The following FYN variants were observed in gnomAD, a reference collection of about 807,000 sequenced individuals.
FYN encodes the protein tyrosine-protein kinase Fyn.
A neutral mutation model predicts 70.2 loss-of-function variants in FYN; 10 were observed. That is an observed-to-expected ratio of 0.14 (90% confidence interval 0.09 to 0.24). The LOEUF (loss-of-function observed/expected upper bound fraction) is 0.24, where lower values mean the gene tolerates loss of function less well. FYN is among the 10% of genes least tolerant of loss of function. FYN has a pLI of 1.00. For missense variants in FYN, 319 were observed against 673.1 expected (o/e 0.47, Z 5.82); for synonymous variants, 236 against 248.6 (o/e 0.95, Z 0.48).
At chr6:111,810,968 T>G (rs1254799752) in intron 2 of FYN, among the ~76,000 whole-genome samples, 1 of 152,246 alleles carries the variant, frequency 6.6e-6, no homozygotes, top group Non-Finnish European at 1.5e-5. Context: ...ATTCACTATA[T>G]AATTGTATAA....
rs1801991511 is a variant in FYN, at chr6:111,741,879, C to G, written c.-11-21817G>C. On this transcript the variant is annotated intron_variant, in intron 3 of 13. Coordinates refer to ENST00000354650, the MANE Select transcript of FYN (RefSeq NM_002037.5). Reference sequence around the variant, plus strand: ...ATCAAGCCTAAGTCCTGCGTTCTGACAAGTCCCAGGGTTATGCTGGCTGTG... The same window carrying G: ...ATCAAGCCTAAGTCCTGCGTTCTGAGAAGTCCCAGGGTTATGCTGGCTGTG... Among the ~76,000 whole-genome samples, 2 of 152,210 alleles carry G rather than the reference C, an allele frequency of 1.3e-5. 1 individual carries two copies. The highest frequency in any genetic ancestry group is 4.1e-4 in the South Asian group (2 of 4,828).
chr6:111,699,231 T>C (rs1799719108), intron 9 of FYN, among the ~76,000 whole-genome samples: 1 of 152,230 alleles, frequency 6.6e-6, no homozygotes, highest in Non-Finnish European at 1.5e-5. Flanking sequence ...TTCTTATGGC[T>C]GCCCATATAC....
At chr6:111,728,068 C>T (rs1801271039) in intron 3 of FYN, among the ~76,000 whole-genome samples, 1 of 152,140 alleles carries the variant, frequency 6.6e-6, no homozygotes, top group South Asian at 2.1e-4. Context: ...ACCTAAATGG[C>T]CAAATGAGGC....
intron 9 of FYN, among the ~76,000 whole-genome samples, chr6:111,697,348 T>G (rs943573281): frequency 3.9e-5 from 6 of 152,232 alleles, no homozygotes; most frequent in African/African-American, 1.4e-4. Context: ...AGACCTATGA[T>G]GCTTAAGAAT....
chr6:111,865,274 T>C (rs1278286910), intron 1 of FYN, among the ~76,000 whole-genome samples: 1 of 152,182 alleles, frequency 6.6e-6, no homozygotes, highest in Non-Finnish European at 1.5e-5. Flanking sequence ...TTCCTAAGTA[T>C]ACCCAAGAAG....
At chr6:111,845,741 A>C (rs996690265) in intron 2 of FYN, among the ~76,000 whole-genome samples, 1 of 152,190 alleles carries the variant, frequency 6.6e-6, no homozygotes, top group African/African-American at 2.4e-5. Context: ...GTTACACCCA[A>C]GGCAATGTGG....
intron 13 of FYN, among the ~76,000 whole-genome samples, chr6:111,665,574 G>A (rs188218999): frequency 4.0e-4 from 61 of 152,164 alleles, no homozygotes; most frequent in Non-Finnish European, 8.2e-4. Context: ...TTGGGAGAGT[G>A]TCTTGAGAGA....
chr6:111,781,430 A>G (rs962512918), intron 2 of FYN, among the ~76,000 whole-genome samples: 2 of 151,616 alleles, frequency 1.3e-5, no homozygotes, highest in African/African-American at 2.4e-5. Flanking sequence ...TTCCCATCCA[A>G]CTCTCATGGC....
intron 2 of FYN, among the ~76,000 whole-genome samples, chr6:111,803,296 T>G (rs1167914467): frequency 6.6e-6 from 1 of 152,248 alleles, no homozygotes; most frequent in Non-Finnish European, 1.5e-5. Context: ...TATTTGGGCT[T>G]CATTATAACC....
intron 1 of FYN, among the ~76,000 whole-genome samples, chr6:111,867,443 G>A (rs1336049641): frequency 3.7e-5 from 4 of 109,102 alleles, no homozygotes; most frequent in Admixed American, 1.3e-4. Context: ...CAACAAGAGC[G>A]AAACTCCGTC....
intron 2 of FYN, among the ~76,000 whole-genome samples, chr6:111,831,286 T>C (rs1238693623): frequency 6.6e-6 from 1 of 152,186 alleles, no homozygotes; most frequent in Non-Finnish European, 1.5e-5. Flanking sequence ...AACCAAAGAA[T>C]AACTGTTACT....
At chr6:111,856,840 T>C (rs1773834938) in intron 1 of FYN, among the ~76,000 whole-genome samples, 1 of 151,960 alleles carries the variant, frequency 6.6e-6, no homozygotes, top group Non-Finnish European at 1.5e-5. Flanking sequence ...ATAAGCAGTA[T>C]CCAAACAGGC....
At chr6:111,774,593 C>CCA (rs1243289797) in intron 3 of FYN, among the ~76,000 whole-genome samples, 1 of 152,046 alleles carries the variant, frequency 6.6e-6, no homozygotes, top group East Asian at 1.9e-4. Context: ...TCCCAAATGC[C>CCA]TCCTGCCTTA....
chr6:111,834,036 A>C (rs1424883175), intron 2 of FYN, among the ~76,000 whole-genome samples: 1 of 152,244 alleles, frequency 6.6e-6, no homozygotes, highest in Non-Finnish European at 1.5e-5. Flanking sequence ...GAATCTTAAA[A>C]ATGTTGAATG....
At chr6:111,855,798 G>C (rs192831946) in intron 1 of FYN, among the ~76,000 whole-genome samples, 1 of 152,296 alleles carries the variant, frequency 6.6e-6, no homozygotes, top group East Asian at 1.9e-4. Context: ...TTTGAAGCCT[G>C]TAGCCAACTG....
intron 4 of FYN, 110 bp downstream of exon 4, chr6:111,719,695 A>G: frequency 8.1e-7 from 1 of 1,241,778 alleles, no homozygotes; most frequent in Non-Finnish European, 1.1e-6. Flanking sequence ...TTAGAAACTT[A>G]CATGTGAAAC....
chr6:111,774,915 C>A (rs545171301), intron 3 of FYN, among the ~76,000 whole-genome samples: 1 of 152,130 alleles, frequency 6.6e-6, no homozygotes, highest in African/African-American at 2.4e-5. Context: ...GATGGGGTTT[C>A]GCCATGTTGG....
At chr6:111,666,552 C>T (rs779249104) in intron 13 of FYN, among the ~76,000 whole-genome samples, 6 of 152,184 alleles carry the variant, frequency 3.9e-5, no homozygotes, top group Non-Finnish European at 7.3e-5. Context: ...TAGGGTACAA[C>T]TGAACAGTAC....
rs537405044 is a variant in FYN at position 111,711,710 on chromosome 6, C to T, written c.344+2637G>A. On this transcript the variant is annotated intron_variant, in intron 5 of 13. Coordinates refer to ENST00000354650, the MANE Select transcript of FYN (RefSeq NM_002037.5). The stretch of plus-strand genomic sequence containing the variant: ...CCCATTCCTCCCTCTCCTCTGAGGA[C>T]CAGAGCCAGAGGCGGGAGAGGATGG... Among the ~76,000 whole-genome samples the T allele has an allele frequency of 6.6e-5, 10 of 152,336 alleles. No individual in the cohort carries two copies. The South Asian group carries it at 8.3e-4, about 13-fold the overall frequency.
Sources: gnomAD v4.1 joint callset for allele counts (sites outside exome capture counted in the v4.1 genomes callset) on GRCh38, gnomAD v4.1.1 for gene constraint, MANE v1.5 for transcripts, NCBI Gene and HGNC (gene_info 2026-07-23, HGNC 2026-07-21) for gene names.